PPP2R2B: variants seen among roughly 807,000 people sequenced by gnomAD.
PPP2R2B encodes serine/threonine-protein phosphatase 2A 55 kDa regulatory subunit B beta isoform.
PPP2R2B carries 5 observed loss-of-function variants against 46.0 expected under a neutral mutation model. That is an observed-to-expected ratio of 0.11 (90% CI 0.06 to 0.23). PPP2R2B has a LOEUF of 0.23. Among genes scored for constraint, PPP2R2B ranks in the 10% least tolerant of loss-of-function variants. The pLI, the probability that PPP2R2B is intolerant of heterozygous loss-of-function variation, is 1.00. For missense variants in PPP2R2B, 367 were observed against 575.0 expected (o/e 0.64, Z 3.70); for synonymous variants, 215 against 206.7 (o/e 1.04, Z -0.34).
rs77296726 is a variant in PPP2R2B, at chr5:146,798,419, A to G, written c.70+79583T>C. 3.9e-3 allele frequency among the ~76,000 whole-genome samples: 595 copies of G among 152,246 alleles called. 9 individuals carry two copies. The highest frequency in any genetic ancestry group is 0.014 in the African/African-American group (568 of 41,562). On this transcript the variant is annotated intron_variant, in intron 2 of 9. Coordinates refer to ENST00000394411, the MANE Select transcript of PPP2R2B (RefSeq NM_181675.4). Reference sequence around the variant, plus strand: ...ACTTGGTTTGGATTTTCTCTGTAATACATTCTAAGATGATTTATACCCATT... The same window carrying G: ...ACTTGGTTTGGATTTTCTCTGTAATGCATTCTAAGATGATTTATACCCATT...
chr5:146,945,964 G>T (rs1764466982), intron 1 of PPP2R2B, among the ~76,000 whole-genome samples: 2 of 152,114 alleles, frequency 1.3e-5, no homozygotes, highest in Admixed American at 6.6e-5. Context: ...CAAATATTGG[G>T]ATTGTGCAGA....
chr5:146,790,320 C>A (rs1582109688), intron 2 of PPP2R2B, among the ~76,000 whole-genome samples: 1 of 152,194 alleles, frequency 6.6e-6, no homozygotes, highest in Non-Finnish European at 1.5e-5. Flanking sequence ...AAAATCATAA[C>A]AACCACCCCA....
At chr5:146,634,357 T>A (rs1329200059) in intron 7 of PPP2R2B, among the ~76,000 whole-genome samples, 1 of 152,030 alleles carries the variant, frequency 6.6e-6, no homozygotes, top group Non-Finnish European at 1.5e-5. Context: ...TTTTTTGAGA[T>A]AGAGTCTTGC....
chr5:147,006,895 G>A (rs879837730), intron 1 of PPP2R2B, among the ~76,000 whole-genome samples: 3 of 152,168 alleles, frequency 2.0e-5, no homozygotes, highest in African/African-American at 7.2e-5. Flanking sequence ...ACAGGAAAAG[G>A]TTTCCAAAAT....
rs978833354 is a variant in PPP2R2B at position 146,639,730 on chromosome 5, A to G, written c.626-1315T>C. On this transcript the variant is annotated intron_variant, in intron 6 of 9. Coordinates refer to ENST00000394411, the MANE Select transcript of PPP2R2B (RefSeq NM_181675.4). Reference sequence around the variant, plus strand: ...ATCATCAGATAGTACTTTTTACTTAACATTTTTCTTTCAGATCAACTTTAA... The same window carrying G: ...ATCATCAGATAGTACTTTTTACTTAGCATTTTTCTTTCAGATCAACTTTAA... Among the ~76,000 whole-genome samples, 4 of 152,262 alleles carry G rather than the reference A, an allele frequency of 2.6e-5. No individual in the cohort carries two copies. The East Asian group carries it at 7.7e-4, about 29-fold the overall frequency.
chr5:147,079,669 T>C (rs1412158166), intron 2 of PPP2R2B, among the ~76,000 whole-genome samples: 2 of 151,750 alleles, frequency 1.3e-5, no homozygotes, highest in African/African-American at 4.8e-5. Flanking sequence ...GAATAGTGAA[T>C]AGTGGTTACC....
At chr5:146,670,589 G>A (rs1196600181) in intron 5 of PPP2R2B, among the ~76,000 whole-genome samples, 3 of 151,674 alleles carry the variant, frequency 2.0e-5, no homozygotes, top group Admixed American at 6.6e-5. Context: ...TCCGCCTCCC[G>A]AGTTCAAACA....
At chr5:147,018,630 A>G (rs2151883525) in intron 1 of PPP2R2B, among the ~76,000 whole-genome samples, 1 of 152,302 alleles carries the variant, frequency 6.6e-6, no homozygotes, top group East Asian at 1.9e-4. Flanking sequence ...AACCCAGCTT[A>G]GTTAACTAAA....
chr5:146,940,118 C>G (rs906437741), intron 1 of PPP2R2B, among the ~76,000 whole-genome samples: 2 of 152,146 alleles, frequency 1.3e-5, no homozygotes, highest in Admixed American at 6.6e-5. Flanking sequence ...ATTTGGTGAA[C>G]AAAAGTATTC....
chr5:146,847,545 T>C (rs1480836684), intron 2 of PPP2R2B, among the ~76,000 whole-genome samples: 1 of 152,202 alleles, frequency 6.6e-6, no homozygotes, highest in Non-Finnish European at 1.5e-5. Flanking sequence ...AAGCATCTCC[T>C]GGCCTCCAGG....
At chr5:147,000,011 A>C (rs1227930034) in intron 1 of PPP2R2B, among the ~76,000 whole-genome samples, 1 of 151,678 alleles carries the variant, frequency 6.6e-6, no homozygotes, top group Non-Finnish European at 1.5e-5. Context: ...CCTGCATTCC[A>C]AAAAAAAATT....
chr5:146,730,361 A>G (rs915436591), intron 2 of PPP2R2B, among the ~76,000 whole-genome samples: 4 of 152,140 alleles, frequency 2.6e-5, no homozygotes, highest in African/African-American at 9.7e-5. Flanking sequence ...GTCTCAGATG[A>G]GACTTTGGAC....
intron 2 of PPP2R2B, among the ~76,000 whole-genome samples, chr5:146,854,566 C>T (rs1760539030): frequency 6.6e-6 from 1 of 152,134 alleles, no homozygotes; most frequent in Admixed American, 6.6e-5. Context: ...AACCTCTTTT[C>T]ATCAAGGCAG....
chr5:146,646,279 C>T (rs1255792870), intron 6 of PPP2R2B, among the ~76,000 whole-genome samples: 1 of 152,136 alleles, frequency 6.6e-6, no homozygotes, highest in African/African-American at 2.4e-5. Context: ...GGTAAGAACT[C>T]AGGTCAGTTC....
intron 2 of PPP2R2B, among the ~76,000 whole-genome samples, chr5:146,857,898 G>T (rs573693917): frequency 6.6e-6 from 1 of 152,246 alleles, no homozygotes; most frequent in East Asian, 1.9e-4. Flanking sequence ...TGTTGGTCAG[G>T]CTGGTCTCGA....
intron 1 of PPP2R2B, among the ~76,000 whole-genome samples, chr5:146,984,532 G>A (rs1234060895): frequency 2.0e-5 from 3 of 152,194 alleles, no homozygotes; most frequent in Non-Finnish European, 4.4e-5. Flanking sequence ...TGTGAATAGT[G>A]TGGTAATAAA....
At chr5:146,886,871 A>G (rs1166356946) in intron 1 of PPP2R2B, among the ~76,000 whole-genome samples, 1 of 152,018 alleles carries the variant, frequency 6.6e-6, no homozygotes, top group South Asian at 2.1e-4. Flanking sequence ...AATACTTTAT[A>G]GGATGAAACT....
rs190697327 is a variant in PPP2R2B at position 146,781,919 on chromosome 5, T to G, written c.71-80777A>C. On this transcript the variant is annotated intron_variant, in intron 2 of 9. Transcript: ENST00000394411. ...CATGTTGAATTGCAATCCGTAAAGT[T>G]GGAGGTGGGGCCTGGTGAGAGGTGA... Among the ~76,000 whole-genome samples, 36 of 152,324 alleles carry G rather than the reference T, an allele frequency of 2.4e-4. 1 individual carries two copies. The highest frequency in any genetic ancestry group is 2.3e-3 in the Admixed American group (35 of 15,302).
intron 2 of PPP2R2B, among the ~76,000 whole-genome samples, chr5:146,783,045 G>T (rs1007427072): frequency 1.3e-5 from 2 of 152,082 alleles, no homozygotes; most frequent in Non-Finnish European, 2.9e-5. Context: ...AAGTAAGTAG[G>T]TATAGGAAGA....
Sources: gnomAD v4.1 joint callset for allele counts (sites outside exome capture counted in the v4.1 genomes callset) on GRCh38, gnomAD v4.1.1 for gene constraint, MANE v1.5 for transcripts, NCBI Gene and HGNC (gene_info 2026-07-23, HGNC 2026-07-21) for gene names.